The following MYT1L variants were observed in gnomAD, a reference collection of about 807,000 sequenced individuals.
MYT1L encodes myelin transcription factor 1-like protein.
In MYT1L, 12 loss-of-function variants were observed where a neutral mutation model predicts 126.7. That is an observed-to-expected ratio of 0.09 (90% CI 0.06 to 0.15). The LOEUF (loss-of-function observed/expected upper bound fraction) is 0.15. MYT1L is among the 10% of genes least tolerant of loss of function. The pLI, the probability that MYT1L is intolerant of heterozygous loss-of-function variation, is 1.00. For synonymous variants in MYT1L, 541 were observed against 604.2 expected (o/e 0.90, Z 1.53); for missense variants, 979 against 1,585.2 (o/e 0.62, Z 6.49).
chr2:2,009,147 TG>T (rs199695146), intron 4 of MYT1L, among the ~76,000 whole-genome samples: 9 of 150,894 alleles, frequency 6.0e-5, no homozygotes, highest in Non-Finnish European at 8.9e-5. Flanking sequence ...TCCTTCTCAG[TG>T]GTTTTTTTTT....
chr2:1,982,161 T>C lies in MYT1L; in HGVS notation c.1-2384A>G, dbSNP rs1301134977. ...AAAGTGATCTAGGGCCAAAGTGACA[T>C]GAGGCAGAGATGAACTGAGAGTCAA... On this transcript the variant is annotated intron_variant, in intron 5 of 24. Transcript: ENST00000647738. Among the ~76,000 whole-genome samples the C allele has an allele frequency of 3.9e-5, 6 of 152,134 alleles. No homozygotes were observed. In the East Asian group the frequency reaches 1.2e-3, roughly 29 times the overall value.
chr2:2,023,003 G>A (rs1057156069), intron 4 of MYT1L, among the ~76,000 whole-genome samples: 1 of 152,178 alleles, frequency 6.6e-6, no homozygotes, highest in African/African-American at 2.4e-5. Flanking sequence ...TCACCATCTA[G>A]GAAAGAAAGC....
intron 20 of MYT1L, among the ~76,000 whole-genome samples, chr2:1,839,958 T>C (rs1016861352): frequency 2.0e-5 from 3 of 152,140 alleles, no homozygotes; most frequent in Non-Finnish European, 4.4e-5. Context: ...TCCTGGGAAC[T>C]TGTGAATGGC....
chr2:1,872,484 T>C (rs555953528), intron 18 of MYT1L, among the ~76,000 whole-genome samples: 1 of 152,310 alleles, frequency 6.6e-6, no homozygotes, highest in South Asian at 2.1e-4. Context: ...ACATTTTTAT[T>C]TGATGATTTT....
chr2:1,959,210 C>T (rs2058758445), intron 8 of MYT1L, among the ~76,000 whole-genome samples: 1 of 152,194 alleles, frequency 6.6e-6, no homozygotes, highest in Non-Finnish European at 1.5e-5. Flanking sequence ...TTTGAGAAGC[C>T]ATGCGGATCT....
chr2:1,910,568 G>A lies in MYT1L; in HGVS notation c.1710-221C>T, dbSNP rs567316968. On this transcript the variant is annotated intron_variant, in intron 12 of 24. Coordinates refer to ENST00000647738, the MANE Select transcript of MYT1L (RefSeq NM_001303052.2). The surrounding 1 kb of genome is among the most constrained non-coding windows in gnomAD (Gnocchi z 4.8). The stretch of plus-strand genomic sequence containing the variant: ...CTGGTCTCCAGCAGAGAATGCTGGC[G>A]GCAGTGCTATGTGTGAGGTGTATTC... 6.6e-6 allele frequency among the ~76,000 whole-genome samples: 1 copy of A among 152,226 alleles called. No homozygotes were observed. The highest frequency in any genetic ancestry group is 2.1e-4 in the South Asian group (1 of 4,818).
In MYT1L at chr2:1,811,217, T is replaced by C. The variant is rs2036576026; in HGVS notation, c.3081-2050A>G. On this transcript the variant is annotated intron_variant, in intron 21 of 24. Coordinates refer to ENST00000647738, the MANE Select transcript of MYT1L (RefSeq NM_001303052.2). The surrounding 1 kb of genome is among the most constrained non-coding windows in gnomAD (Gnocchi z 4.4). ...TGCTGCCCAAGGTATGGTATTTGTT[T>C]TTGCAGCCCTGGAACGTCTAAGACA... 6.6e-6 allele frequency: 1 copy of C among 152,184 alleles called. No individual in the cohort carries two copies. The highest frequency in any genetic ancestry group is 6.5e-5 in the Admixed American group (1 of 15,276). The allele number at this position is 152,184 out of a possible 1,614,324, so 9.4% of individuals were successfully genotyped here. A position where few individuals can be genotyped will look rare whatever the true frequency, so the allele number is the denominator to read the frequency against.
chr2:1,802,997 C>G (rs1369386290), intron 22 of MYT1L, among the ~76,000 whole-genome samples: 1 of 152,128 alleles, frequency 6.6e-6, no homozygotes, highest in Non-Finnish European at 1.5e-5. Flanking sequence ...GTACAATCAA[C>G]CAGAGGCCGA....
intron 3 of MYT1L, among the ~76,000 whole-genome samples, chr2:2,169,475 T>TCCGAG (rs1388866119): frequency 6.6e-6 from 1 of 152,194 alleles, no homozygotes; most frequent in African/African-American, 2.4e-5. Context: ...TTTTTTAAAG[T>TCCGAG]CCGAGGCAAA....
chr2:1,906,584 T>C (rs774658908), intron 13 of MYT1L, among the ~76,000 whole-genome samples: 32 of 152,316 alleles, frequency 2.1e-4, no homozygotes, highest in Admixed American at 4.6e-4. Flanking sequence ...ATTATATATA[T>C]GTAAATTGGA....
At chr2:2,166,100 G>C (rs2089065569) in intron 3 of MYT1L, among the ~76,000 whole-genome samples, 2 of 152,166 alleles carry the variant, frequency 1.3e-5, no homozygotes, top group South Asian at 4.1e-4. Flanking sequence ...AATCCGATAG[G>C]AGAATTTCTC....
chr2:1,823,780 G>A (rs1198727731), intron 21 of MYT1L, among the ~76,000 whole-genome samples: 1 of 152,376 alleles, frequency 6.6e-6, no homozygotes, highest in South Asian at 2.1e-4. Flanking sequence ...GTGGCTGGAG[G>A]CGTGTTCAGC....
intron 21 of MYT1L, among the ~76,000 whole-genome samples, chr2:1,829,272 C>T (rs112954478): frequency 0.036 from 5,236 of 147,492 alleles, 384 homozygotes; most frequent in African/African-American, 0.13. Flanking sequence ...CACCTGTGAA[C>T]TGACCCTCCC....
At chr2:1,864,637 T>C (rs2045219276) in intron 18 of MYT1L, among the ~76,000 whole-genome samples, 1 of 152,194 alleles carries the variant, frequency 6.6e-6, no homozygotes, top group Non-Finnish European at 1.5e-5. Flanking sequence ...ATTCAGGGTC[T>C]GGGAGGGCAG....
chr2:2,170,188 A>G (rs888293653), intron 3 of MYT1L, among the ~76,000 whole-genome samples: 12 of 152,176 alleles, frequency 7.9e-5, no homozygotes, highest in Admixed American at 5.9e-4. Flanking sequence ...GGATCTGCTC[A>G]CCCAGGGAGG....
intron 2 of MYT1L, among the ~76,000 whole-genome samples, chr2:2,205,810 G>A (rs941711546): frequency 2.0e-5 from 3 of 151,992 alleles, no homozygotes; most frequent in Non-Finnish European, 4.4e-5. Context: ...TCACATATGG[G>A]TTAAAGTCCA....
At position 1,889,319 on chromosome 2, in the gene MYT1L, G is replaced by A. The variant is rs372483670; in HGVS notation, c.2442C>T (p.Gly814=). 40 of 1,613,726 alleles carry A rather than the reference G, an allele frequency of 2.5e-5. No homozygotes were observed. The Middle Eastern group carries it at 2.1e-3, about 87-fold the overall frequency. ...AGTCTACGGGCAAGTCCCAGCAGTC[G>A]CCCTCGCCCAGCTGGAAACACCGGT... ...MNNRCFQLGE[G]DCWDLPVDYT... The change falls in exon 16 of 25, where the codon GGC becomes GGT. Residue 814 remains glycine (G), a synonymous_variant. Coordinates refer to ENST00000647738, the MANE Select transcript of MYT1L (RefSeq NM_001303052.2). This position sits in a 1 kb window ranked among gnomAD's most constrained non-coding sequence, Gnocchi z 4.1.
chr2:2,080,232 T>C lies in MYT1L; in HGVS notation c.-303-26109A>G, dbSNP rs1391293083. 2.6e-5 allele frequency among the ~76,000 whole-genome samples: 4 copies of C among 152,032 alleles called. 1 individual carries two copies. Among genetic ancestry groups the C allele is most frequent in the Non-Finnish European group, 5.9e-5 (4 of 68,022 alleles). ...TATATAACTCCTAGAAGAAAACCTA[T>C]TAGTAAGTCTTTGTGTCCTTGGGTT... On this transcript the variant is annotated intron_variant, in intron 3 of 24. Coordinates refer to ENST00000647738, the MANE Select transcript of MYT1L (RefSeq NM_001303052.2).
Position 2,228,345 on chromosome 2 carries a change from A to G in MYT1L, c.-420-55357T>C, listed in dbSNP as rs2094069968. On this transcript the variant is annotated intron_variant, in intron 2 of 24. Transcript: ENST00000647738. This position sits in a 1 kb window ranked among gnomAD's most constrained non-coding sequence, Gnocchi z 5.9. ...TATTAAAAACCTGTGCAACAGGATT[A>G]TAATAATAATTTAGCTAGCCACATG... is the stretch of plus-strand genomic sequence containing the variant. 6.6e-6 allele frequency among the ~76,000 whole-genome samples: 1 copy of G among 152,250 alleles called. No homozygotes were observed.
Sources: allele counts gnomAD v4.1 joint callset (sites outside exome capture counted in the v4.1 genomes callset), GRCh38; gene constraint gnomAD v4.1.1; non-coding constraint Gnocchi (gnomAD v3.1); transcripts MANE v1.5; gene names NCBI Gene and HGNC (gene_info 2026-07-23, HGNC 2026-07-21).